The following MN1 variants were observed in gnomAD, a reference collection of about 807,000 sequenced individuals.
The protein encoded by MN1 is transcriptional activator MN1.
A neutral mutation model predicts 86.9 loss-of-function variants in MN1; 19 were observed. The observed-to-expected ratio is 0.22, with a 90% confidence interval of 0.15 to 0.32. The LOEUF is 0.32. Among genes scored for constraint, MN1 ranks in the 10% least tolerant of loss-of-function variants. The probability of loss-of-function intolerance (pLI) is 1.00; values close to 1 mark genes in which losing one functional copy is unlikely to be tolerated. For missense variants in MN1, 1,841 were observed against 1,862.0 expected (o/e 0.99, Z 0.21); for synonymous variants, 928 against 849.6 (o/e 1.09, Z -1.60).
In MN1 at chr22:27,777,093, G is replaced by A. The variant is rs116342194; in HGVS notation, c.3781+19670C>T. The stretch of plus-strand genomic sequence containing the variant: ...TTTTGCTCCCTACAATCCCTTTACC[G>A]CCCCACCTTTATTTGATTAAACCCT... On this transcript the variant is annotated intron_variant, in intron 1 of 1. Transcript: ENST00000302326. 3.3e-3 allele frequency among the ~76,000 whole-genome samples: 506 copies of A among 152,162 alleles called. 4 individuals carry two copies. The highest frequency in any genetic ancestry group is 0.012 in the African/African-American group (486 of 41,512).
chr22:27,782,733 C>T (rs892099358), intron 1 of MN1, among the ~76,000 whole-genome samples: 2 of 152,184 alleles, frequency 1.3e-5, no homozygotes, highest in Non-Finnish European at 2.9e-5. Flanking sequence ...AAGTAACCTG[C>T]CCAAGGACAC....
At chr22:27,782,011 T>C (rs985311138) in intron 1 of MN1, among the ~76,000 whole-genome samples, 2 of 152,068 alleles carry the variant, frequency 1.3e-5, no homozygotes, top group Admixed American at 1.3e-4. Context: ...GGCAAAATGA[T>C]CAGGGGCCGC....
intron 1 of MN1, among the ~76,000 whole-genome samples, chr22:27,761,431 GGA>G (rs1491232213): frequency 2.2e-5 from 3 of 139,280 alleles, no homozygotes; most frequent in East Asian, 2.2e-4. Context: ...ACTTTTTGGG[GGA>G]AAAAAAAAAA....
At chr22:27,779,184 G>A (rs961966449) in intron 1 of MN1, among the ~76,000 whole-genome samples, 1 of 152,286 alleles carries the variant, frequency 6.6e-6, no homozygotes, top group African/African-American at 2.4e-5. Context: ...CCCTAGGCCT[G>A]GGACCAGGAT....
At position 27,801,296 on chromosome 22, in the gene MN1, G is replaced by C. The variant is rs1019960152; in HGVS notation, c.-753C>G. 3.2e-4 allele frequency: 66 copies of C among 204,782 alleles called. No homozygotes were observed. The highest frequency in any genetic ancestry group is 5.7e-4 in the Non-Finnish European group (60 of 105,784). 12.7% of individuals were successfully genotyped at this position (204,782 alleles called of 1,614,324 possible). ...CGCCGGGGGCTGGAGCCGAGGGTCG[G>C]GGAAAGGCGCGGCTCCTCTGCTCGG... On this transcript the variant is annotated 5_prime_UTR_variant, in exon 1 of 2. Coordinates refer to ENST00000302326, the MANE Select transcript of MN1 (RefSeq NM_002430.3).
chr22:27,757,684 G>T (rs1932810222), intron 1 of MN1, among the ~76,000 whole-genome samples: 1 of 152,120 alleles, frequency 6.6e-6, no homozygotes, highest in South Asian at 2.1e-4. Flanking sequence ...GGGGGGCTGG[G>T]CGACTGGGCC....
intron 1 of MN1, among the ~76,000 whole-genome samples, chr22:27,794,820 T>TG (rs1933265912): frequency 9.0e-6 from 1 of 111,108 alleles, no homozygotes; most frequent in African/African-American, 3.4e-5. Flanking sequence ...GGTTGTTGTT[T>TG]TTTTTTTTTT....
chr22:27,780,452 T>C (rs978211871), intron 1 of MN1, among the ~76,000 whole-genome samples: 3 of 152,202 alleles, frequency 2.0e-5, no homozygotes, highest in Non-Finnish European at 2.9e-5. Flanking sequence ...TGTTAAATAT[T>C]CAGGAATTTT....
rs1276624695 is a variant in MN1 at position 27,798,353 on chromosome 22, G to C, written c.2191C>G (p.Pro731Ala). ...GCAGACGTAGCAAAGTCCGGCGGCG[G>C]GGGCCGGCGCTCCGAAGCAGCGCTG... ...LPSAASERRP[P>A]PPDFATSALG... is the part of the protein sequence containing the mutation. The change falls in exon 1 of 2, where the codon CCG becomes GCG. Residue 731 changes from proline to alanine, a missense_variant. Pro to Ala is a conservative substitution (Grantham distance 27). Transcript: ENST00000302326. 2.0e-6 allele frequency: 3 copies of C among 1,505,548 alleles called. No individual in the cohort carries two copies. In the African/African-American group the frequency reaches 4.3e-5, roughly 22 times the overall value. 93.3% of individuals were successfully genotyped at this position (1,505,548 alleles called of 1,614,324 possible). A position where few individuals can be genotyped will look rare whatever the true frequency, so the allele number is the denominator to read the frequency against.
intron 1 of MN1, 102 bp downstream of exon 1, chr22:27,796,661 G>A: frequency 8.3e-7 from 1 of 1,205,964 alleles, no homozygotes; most frequent in East Asian, 2.4e-5. Context: ...GAGGGTTTGT[G>A]CCCTCCAAAC....
intron 1 of MN1, among the ~76,000 whole-genome samples, chr22:27,770,769 C>G (rs1005341463): frequency 6.6e-6 from 1 of 151,118 alleles, no homozygotes; most frequent in African/African-American, 2.5e-5. Flanking sequence ...AGCAATCCCC[C>G]ACCTCAACCT....
chr22:27,796,829 C>T lies in MN1; in HGVS notation c.3715G>A (p.Ala1239Thr). The change falls in exon 1 of 2, where the codon GCG (alanine) becomes ACG (threonine). Residue 1239 changes from alanine to threonine, a missense_variant. Transcript: ENST00000302326. ...GGCGCCAACGTCTTGTCGTCGTCCG[C>T]GCTGTCCACCAGGGCCTTGTCAGCG... ...MPADKALVDS[A>T]DDDKTLAPWE... 6.2e-7 allele frequency: 1 copy of T among 1,612,182 alleles called. No homozygotes were observed. The highest frequency in any genetic ancestry group is 8.5e-7 in the Non-Finnish European group (1 of 1,179,980).
chr22:27,762,285 G>A (rs1314152166), intron 1 of MN1, among the ~76,000 whole-genome samples: 2 of 152,068 alleles, frequency 1.3e-5, no homozygotes, highest in South Asian at 2.1e-4. Flanking sequence ...ACAGCCCGTC[G>A]GTTCTGAGGA....
intron 1 of MN1, among the ~76,000 whole-genome samples, chr22:27,780,078 A>G (rs1250366598): frequency 1.3e-5 from 2 of 152,170 alleles, no homozygotes; most frequent in African/African-American, 4.8e-5. Context: ...GCCATCTCAG[A>G]AAGGGCCAGA....
At chr22:27,767,713 C>T (rs1386242872) in intron 1 of MN1, among the ~76,000 whole-genome samples, 1 of 152,068 alleles carries the variant, frequency 6.6e-6, no homozygotes, top group Non-Finnish European at 1.5e-5. Context: ...AATTACCCTC[C>T]ACCGCTCCAA....
chr22:27,800,171 C>T lies in MN1; in HGVS notation c.373G>A (p.Ala125Thr). 3.2e-6 allele frequency: 5 copies of T among 1,546,068 alleles called. No individual in the cohort carries two copies. The South Asian group carries it at 3.7e-5, about 12-fold the overall frequency. Reference protein sequence around the residue: ...GGNFGGPDPGASCLHGGRLLG... With the variant: ...GGNFGGPDPGTSCLHGGRLLG... ...AGGCGACCCCCGTGCAGGCACGAGG[C>T]CCCGGGGTCCGGGCCACCGAAGTTG... Residue 125 changes from alanine (A) to threonine (T), a missense_variant, in exon 1 of 2, where the codon GCC becomes ACC. Ala to Thr is a moderately conservative substitution (Grantham distance 58, BLOSUM62 0). Transcript: ENST00000302326.
At chr22:27,780,311 T>G (rs992156369) in intron 1 of MN1, among the ~76,000 whole-genome samples, 1 of 152,032 alleles carries the variant, frequency 6.6e-6, no homozygotes, top group African/African-American at 2.4e-5. Context: ...CTCTCCCCTC[T>G]CACCAGCAAT....
intron 1 of MN1, among the ~76,000 whole-genome samples, chr22:27,773,863 C>T (rs1398293405): frequency 6.6e-6 from 1 of 152,190 alleles, no homozygotes; most frequent in Non-Finnish European, 1.5e-5. Context: ...CCATGTTGGA[C>T]AGGCTGGTCT....
Position 27,800,633 on chromosome 22 carries a change from T to C in MN1, c.-90A>G, listed in dbSNP as rs1360112064. The C allele has an allele frequency of 7.6e-6, 12 of 1,585,498 alleles. No homozygotes were observed. Among genetic ancestry groups the C allele is most frequent in the Admixed American group, 3.4e-5 (2 of 58,004 alleles). ...GCCAGCTACTCGTTCCAGCCCAGGATTGGGCGCTCCGGGACGCTCAGCACC... is the reference window on the plus strand; with the variant it reads ...GCCAGCTACTCGTTCCAGCCCAGGACTGGGCGCTCCGGGACGCTCAGCACC... On this transcript the variant is annotated 5_prime_UTR_variant, in exon 1 of 2. Coordinates refer to ENST00000302326, the MANE Select transcript of MN1 (RefSeq NM_002430.3).
Sources: gnomAD v4.1 joint callset for allele counts (sites outside exome capture counted in the v4.1 genomes callset) on GRCh38, gnomAD v4.1.1 for gene constraint, MANE v1.5 for transcripts, NCBI Gene and HGNC (gene_info 2026-07-23, HGNC 2026-07-21) for gene names.